The following DSCAML1 variants were observed in gnomAD, a reference collection of about 807,000 sequenced individuals.
DSCAML1 encodes DS cell adhesion molecule like 1.
DSCAML1 carries 38 observed loss-of-function variants against 200.5 expected under a neutral mutation model. The observed-to-expected ratio is 0.19, with a 90% CI of 0.15 to 0.25. The LOEUF is 0.25. Ranked by LOEUF, DSCAML1 falls within the 10% of genes least tolerant of loss-of-function variation. The pLI is 1.00. For missense variants in DSCAML1, 2,223 were observed against 2,858.8 expected (o/e 0.78, Z 5.07); for synonymous variants, 1,215 against 1,165.0 (o/e 1.04, Z -0.87).
At chr11:117,806,554 G>A (rs905622900) in intron 1 of DSCAML1, among the ~76,000 whole-genome samples, 3 of 152,270 alleles carry the variant, frequency 2.0e-5, no homozygotes, top group South Asian at 4.1e-4. Context: ...CTTGCTGTGG[G>A]CCCAGCACTA....
rs149134185 is a variant in DSCAML1, at chr11:117,456,709, CTG to C, written c.3568+2043_3568+2044del. Among the ~76,000 whole-genome samples, 1,328 of 149,556 alleles carry C rather than the reference CTG, an allele frequency of 8.9e-3. 15 individuals carry two copies. The highest frequency in any genetic ancestry group is 0.03 in the African/African-American group (1,209 of 40,548). ...TTTCTTTTTGAGATGGAGTCTCGCTCTGTCACCCAGGCTAGAGTGTAGTGGTA... is the reference window on the plus strand; with the variant it reads ...TTTCTTTTTGAGATGGAGTCTCGCTCTCACCCAGGCTAGAGTGTAGTGGTA... On this transcript the variant is annotated intron_variant, in intron 19 of 32. Coordinates refer to ENST00000651296, the MANE Select transcript of DSCAML1 (RefSeq NM_020693.4).
chr11:117,617,455 T>C (rs991379242), intron 3 of DSCAML1, among the ~76,000 whole-genome samples: 1 of 151,950 alleles, frequency 6.6e-6, no homozygotes, highest in African/African-American at 2.4e-5. Context: ...TCTCTCAAAC[T>C]GTTATTCCAT....
At chr11:117,717,822 C>T (rs189398287) in intron 3 of DSCAML1, among the ~76,000 whole-genome samples, 34 of 152,260 alleles carry the variant, frequency 2.2e-4, no homozygotes, top group African/African-American at 7.9e-4. Flanking sequence ...TGAAATGCCC[C>T]CTAGCAACTG....
chr11:117,682,696 CT>C (rs59292538), intron 3 of DSCAML1, among the ~76,000 whole-genome samples: 43,042 of 152,062 alleles, frequency 0.28, 7,143 homozygotes, highest in African/African-American at 0.46. Flanking sequence ...GTAGGTGAAA[CT>C]TACCCCTCGC....
In DSCAML1 at chr11:117,735,617, C is replaced by G. The variant is rs111556850; in HGVS notation, c.511+41174G>C. Among the ~76,000 whole-genome samples, 503 of 152,322 alleles carry G rather than the reference C, an allele frequency of 3.3e-3. 2 individuals carry two copies. Among genetic ancestry groups the G allele is most frequent in the Middle Eastern group, 6.8e-3 (2 of 294 alleles). On this transcript the variant is annotated intron_variant, in intron 3 of 32. Coordinates refer to ENST00000651296, the MANE Select transcript of DSCAML1 (RefSeq NM_020693.4). ...AGAGGGAAACCCAGAATATCTTTTT[C>G]TTTCCCAGAATGGCAGCCTGTGTGA... is the stretch of plus-strand genomic sequence containing the variant.
chr11:117,749,887 C>T (rs2054577949), intron 3 of DSCAML1, among the ~76,000 whole-genome samples: 3 of 152,206 alleles, frequency 2.0e-5, no homozygotes, highest in Admixed American at 2.0e-4. Context: ...GACTTGAGCT[C>T]TGGTTCTTAA....
chr11:117,593,245 T>A (rs2051294439), intron 3 of DSCAML1, among the ~76,000 whole-genome samples: 1 of 152,200 alleles, frequency 6.6e-6, no homozygotes, highest in African/African-American at 2.4e-5. Context: ...AGAAAATGGA[T>A]GCCTTCTGCC....
At chr11:117,465,675 G>A (rs1174579998) in intron 16 of DSCAML1, among the ~76,000 whole-genome samples, 1 of 152,144 alleles carries the variant, frequency 6.6e-6, no homozygotes, top group African/African-American at 2.4e-5. Flanking sequence ...CTGTGAGGAC[G>A]CTTTGTTACT....
intron 3 of DSCAML1, among the ~76,000 whole-genome samples, chr11:117,718,215 G>A (rs981200905): frequency 2.0e-5 from 3 of 152,206 alleles, no homozygotes; most frequent in South Asian, 2.1e-4. Flanking sequence ...AGCCACTCAC[G>A]CACCCCGCCA....
At chr11:117,434,875 C>A (rs1253428541) in intron 27 of DSCAML1, among the ~76,000 whole-genome samples, 2 of 152,182 alleles carry the variant, frequency 1.3e-5, no homozygotes, top group Non-Finnish European at 2.9e-5. Context: ...ATCCATTTAC[C>A]CAATTCCTGA....
chr11:117,470,816 A>T (rs534222727), intron 15 of DSCAML1, among the ~76,000 whole-genome samples: 12 of 152,364 alleles, frequency 7.9e-5, no homozygotes, highest in Admixed American at 7.8e-4. Context: ...CATAAATGAT[A>T]TAGCTATGCT....
rs1339416601 is a variant in DSCAML1 at position 117,480,717 on chromosome 11, C to T, written c.2657-146G>A. 3 of 865,272 alleles carry T rather than the reference C, an allele frequency of 3.5e-6. No individual in the cohort carries two copies. The highest frequency in any genetic ancestry group is 5.4e-5 in the East Asian group (2 of 37,318). The allele number at this position is 865,272 out of a possible 1,614,324, so 53.6% of individuals were successfully genotyped here. ...GAGCAGGGTGGGGGCTGGAGGAGGC[C>T]AGCAGCCAGGCTTGGAGGCTGAGGA... On this transcript the variant is annotated intron_variant, in intron 13 of 32. Transcript: ENST00000651296. This position sits in a 1 kb window ranked among gnomAD's most constrained non-coding sequence, Gnocchi z 4.1.
chr11:117,644,367 C>T (rs1441182448), intron 3 of DSCAML1, among the ~76,000 whole-genome samples: 2 of 152,258 alleles, frequency 1.3e-5, no homozygotes, highest in African/African-American at 4.8e-5. Flanking sequence ...CCGAGCTGTG[C>T]TCACTTTTCC....
intron 20 of DSCAML1, among the ~76,000 whole-genome samples, chr11:117,445,282 A>G (rs1160018230): frequency 6.6e-6 from 1 of 152,218 alleles, no homozygotes; most frequent in Non-Finnish European, 1.5e-5. Flanking sequence ...GCTCCCTGGC[A>G]TATTCCTCCT....
In DSCAML1 at chr11:117,524,895, C is replaced by T. The variant is rs368699326; in HGVS notation, c.847G>A (p.Asp283Asn). 66 of 1,613,030 alleles carry T rather than the reference C, an allele frequency of 4.1e-5. No individual in the cohort carries two copies. In the South Asian group the frequency reaches 5.0e-4, roughly 12 times the overall value. Residue 283 changes from aspartate (D) to asparagine (N), a missense_variant, in exon 5 of 33, where the codon GAC becomes AAC. Asp to Asn is a conservative substitution (Grantham distance 23). Around this residue, in one of 7 missense-constraint regions of DSCAML1, gnomAD observed 579 missense variants for 721.5 expected, o/e 0.80. Transcript: ENST00000651296. The stretch of plus-strand genomic sequence containing the variant: ...GTGCCGCTGTCCTCGGTCCGCAAGT[C>T]GCTGATGGTCAGCCCTGTGATGCGC... ...TKRITGLTIS[D>N]LRTEDSGTYI...
At chr11:117,576,805 G>C (rs1565800876) in intron 3 of DSCAML1, among the ~76,000 whole-genome samples, 1 of 152,182 alleles carries the variant, frequency 6.6e-6, no homozygotes, top group Non-Finnish European at 1.5e-5. Flanking sequence ...CAATCAGCTA[G>C]AGAGTCAACA....
intron 30 of DSCAML1, 83 bp downstream of exon 30, chr11:117,432,267 TAA>T: frequency 7.9e-7 from 1 of 1,269,034 alleles, no homozygotes; most frequent in Non-Finnish European, 1.1e-6. Context: ...CTCCTCCCTT[TAA>T]AAAAAAACAC....
chr11:117,489,038 G>A lies in DSCAML1; in HGVS notation c.2360-6876C>T, dbSNP rs1289663239. On this transcript the variant is annotated intron_variant, in intron 11 of 32. Transcript: ENST00000651296. This position sits in a 1 kb window ranked among gnomAD's most constrained non-coding sequence, Gnocchi z 4.8. ...CTCCCAACAGCAACCACGAAAGCAA[G>A]TCTTATCATCTCCACTTTTCAAATG... 6.6e-6 allele frequency among the ~76,000 whole-genome samples: 1 copy of A among 152,268 alleles called. No homozygotes were observed. Among genetic ancestry groups the A allele is most frequent in the Non-Finnish European group, 1.5e-5 (1 of 68,048 alleles).
At position 117,672,121 on chromosome 11, in the gene DSCAML1, A is replaced by AG. The variant is rs1453027451; in HGVS notation, c.511+104669_511+104670insC. 5.9e-4 allele frequency among the ~76,000 whole-genome samples: 87 copies of AG among 147,554 alleles called. No individual in the cohort carries two copies. The East Asian group carries it at 0.015, about 25-fold the overall frequency. ...AGCTCAGAAAAAAAAAAAAAAAAAA[A>AG]AAGAAGAAACCTTGGGCCTCATCCA... is the stretch of plus-strand genomic sequence containing the variant. On this transcript the variant is annotated intron_variant, in intron 3 of 32. Transcript: ENST00000651296.
Sources: gnomAD v4.1 joint callset for allele counts (sites outside exome capture counted in the v4.1 genomes callset) on GRCh38, gnomAD v4.1.1 for gene constraint, gnomAD v4.1.1 regional missense constraint, Gnocchi (gnomAD v3.1) non-coding constraint, MANE v1.5 for transcripts, NCBI Gene and HGNC (gene_info 2026-07-23, HGNC 2026-07-21) for gene names.